TNS1: variants seen among roughly 807,000 people sequenced by gnomAD.
TNS1 encodes the protein tensin 1.
TNS1 carries 62 observed loss-of-function variants against 168.6 expected under a neutral mutation model. That is an observed-to-expected ratio of 0.37 (90% CI 0.30 to 0.45). TNS1 has a LOEUF of 0.45. Ranked by LOEUF, TNS1 falls within the 20% of genes least tolerant of loss-of-function variation. The pLI, the probability that TNS1 is intolerant of heterozygous loss-of-function variation, is 1.00. For synonymous variants in TNS1, 934 were observed against 933.2 expected (o/e 1.00, Z -0.02); for missense variants, 2,240 against 2,339.4 (o/e 0.96, Z 0.88).
In TNS1 at chr2:217,802,301, G is replaced by A. The variant is rs1379507801; in HGVS notation, c.*2158C>T. Reference sequence around the variant, plus strand: ...GGTTTCACTCTGGGAAGCAGGGGGTGGCCAGTGGGGCCTCTGCCCCTGCTC... The same window carrying A: ...GGTTTCACTCTGGGAAGCAGGGGGTAGCCAGTGGGGCCTCTGCCCCTGCTC... On this transcript the variant is annotated 3_prime_UTR_variant, in exon 33 of 33. Transcript: ENST00000682258. 6.6e-6 allele frequency: 1 copy of A among 152,198 alleles called. No individual in the cohort carries two copies. Among genetic ancestry groups the A allele is most frequent in the Non-Finnish European group, 1.5e-5 (1 of 68,030 alleles). 9.4% of individuals were successfully genotyped at this position (152,198 alleles called of 1,614,324 possible).
At chr2:217,814,810 G>A (rs1248281511) in intron 25 of TNS1, 102 bp downstream of exon 25, 3 of 936,330 alleles carry the variant, frequency 3.2e-6, no homozygotes, top group African/African-American at 1.6e-5. Context: ...ATGACCCCCT[G>A]CTACAAAGAG....
At position 217,986,212 on chromosome 2, in the gene TNS1, A is replaced by C. The variant is rs760927498; in HGVS notation, c.148+4730T>G. On this transcript the variant is annotated intron_variant, in intron 2 of 32. Coordinates refer to ENST00000682258, the MANE Select transcript of TNS1 (RefSeq NM_001387777.1). This position sits in a 1 kb window ranked among gnomAD's most constrained non-coding sequence, Gnocchi z 4.7. ...TGGCTCCAAGGAGGCCCTCAGACAC[A>C]GGGCAGAAGCTAGGTTCCCCAGTGA... Among the ~76,000 whole-genome samples the C allele has an allele frequency of 6.6e-6, 1 of 152,198 alleles. No individual in the cohort carries two copies. Among genetic ancestry groups the C allele is most frequent in the Non-Finnish European group, 1.5e-5 (1 of 68,016 alleles).
chr2:218,020,185 G>T (rs964532634), intron 1 of TNS1, among the ~76,000 whole-genome samples: 3 of 152,182 alleles, frequency 2.0e-5, no homozygotes, highest in African/African-American at 7.2e-5. Context: ...TCAGCATTGT[G>T]CAGGACCCAG....
intron 1 of TNS1, among the ~76,000 whole-genome samples, chr2:217,999,016 G>T (rs77349327): frequency 6.6e-6 from 1 of 152,170 alleles, no homozygotes; most frequent in South Asian, 2.1e-4. Context: ...TGCGTGGGGG[G>T]TGTGGTTAGA....
intron 19 of TNS1, among the ~76,000 whole-genome samples, chr2:217,838,717 G>A (rs779047595): frequency 1.5e-4 from 23 of 152,224 alleles, no homozygotes; most frequent in Non-Finnish European, 3.2e-4. Context: ...TCCGCCTGGA[G>A]TGCCTGGAGA....
intron 3 of TNS1, among the ~76,000 whole-genome samples, chr2:217,937,877 G>A (rs561853545): frequency 4.6e-5 from 7 of 152,124 alleles, no homozygotes; most frequent in East Asian, 1.9e-4. Context: ...CCCTCTTTCC[G>A]CTTCCCCTGA....
intron 3 of TNS1, among the ~76,000 whole-genome samples, chr2:217,972,201 CAGAG>C (rs952042686): frequency 6.6e-6 from 1 of 152,172 alleles, no homozygotes; most frequent in African/African-American, 2.4e-5. Flanking sequence ...AGCTGGGGCT[CAGAG>C]AGGTTCAGTA....
chr2:217,886,698 T>C (rs1951237336), intron 12 of TNS1, 52 bp from the exon 13 acceptor site: 1 of 1,330,048 alleles, frequency 7.5e-7, no homozygotes, highest in South Asian at 1.3e-5. Context: ...ACTGGTGCAG[T>C]AATCCCTGTT....
chr2:217,807,460 G>A (rs1939368234), intron 32 of TNS1, among the ~76,000 whole-genome samples: 1 of 152,192 alleles, frequency 6.6e-6, no homozygotes, highest in African/African-American at 2.4e-5. Context: ...AATACAGTTT[G>A]AAAATCACAG....
At position 217,995,557 on chromosome 2, in the gene TNS1, G is replaced by A. The variant is rs1041961199; in HGVS notation, c.34-4501C>T. Among the ~76,000 whole-genome samples, 24 of 152,192 alleles carry A rather than the reference G, an allele frequency of 1.6e-4. No homozygotes were observed. Among genetic ancestry groups the A allele is most frequent in the Non-Finnish European group, 7.3e-5 (5 of 68,040 alleles). Reference sequence around the variant, plus strand: ...TGTTCTGCAGGTACAGGCAGAGGATGTAAACAAGCCCCAAAAAGTGCAAAG... The same window carrying A: ...TGTTCTGCAGGTACAGGCAGAGGATATAAACAAGCCCCAAAAAGTGCAAAG... On this transcript the variant is annotated intron_variant, in intron 1 of 32. Transcript: ENST00000682258. This position sits in a 1 kb window ranked among gnomAD's most constrained non-coding sequence, Gnocchi z 4.1.
intron 19 of TNS1, among the ~76,000 whole-genome samples, chr2:217,847,062 G>T (rs1946748259): frequency 3.9e-5 from 6 of 152,210 alleles, no homozygotes; most frequent in Admixed American, 3.9e-4. Flanking sequence ...TCTGAGGACA[G>T]ACAGCACGAC....
chr2:217,894,675 AC>A (rs1952088993), intron 9 of TNS1, among the ~76,000 whole-genome samples: 1 of 151,972 alleles, frequency 6.6e-6, no homozygotes, highest in Non-Finnish European at 1.5e-5. Flanking sequence ...AAACAAACAA[AC>A]AAAAAAACCG....
intron 1 of TNS1, among the ~76,000 whole-genome samples, chr2:217,997,137 C>A (rs1958484849): frequency 6.6e-6 from 1 of 152,134 alleles, no homozygotes; most frequent in Non-Finnish European, 1.5e-5. Context: ...TTCCCAGATA[C>A]CCCTGGACCC....
chr2:217,818,381 G>A lies in TNS1; in HGVS notation c.3951C>T (p.Ser1317=). The A allele has an allele frequency of 6.2e-7, 1 of 1,614,172 alleles. No homozygotes were observed. The highest frequency in any genetic ancestry group is 2.2e-5 in the East Asian group (1 of 44,888). Residue 1317 remains serine, a synonymous_variant, in exon 24 of 33, where the codon AGC becomes AGT. Transcript: ENST00000682258. ...SMAAPSSPSL[S]HHQMMGPPGT... ...CTGGTGGACCCATCATCTGGTGATG[G>A]CTCAAACTGGGACTGCTGGGGGCAG...
intron 3 of TNS1, among the ~76,000 whole-genome samples, chr2:217,922,555 C>A (rs77737399): frequency 0.011 from 1,737 of 152,296 alleles, 35 homozygotes; most frequent in African/African-American, 0.04. Flanking sequence ...TTTCTGCTCT[C>A]CATTTAGAAG....
rs118131689 is a variant in TNS1, at chr2:217,962,157, A to G, written c.186+16608T>C. ...AAATGAGTAGATAAGAGAAGTCAAG[A>G]ACCAGGCTGGGTGAGGTGACTCACG... On this transcript the variant is annotated intron_variant, in intron 3 of 32. Transcript: ENST00000682258. 2.1e-4 allele frequency among the ~76,000 whole-genome samples: 32 copies of G among 152,336 alleles called. No homozygotes were observed. In the East Asian group the frequency reaches 3.5e-3, roughly 17 times the overall value.
intron 1 of TNS1, among the ~76,000 whole-genome samples, chr2:218,027,383 T>G (rs1287248447): frequency 6.6e-6 from 1 of 152,092 alleles, no homozygotes; most frequent in Non-Finnish European, 1.5e-5. Flanking sequence ...GACCCTACTC[T>G]GCACCCACAC....
At chr2:217,935,066 C>T (rs1424005190) in intron 3 of TNS1, among the ~76,000 whole-genome samples, 1 of 152,260 alleles carries the variant, frequency 6.6e-6, no homozygotes, top group Admixed American at 6.5e-5. Flanking sequence ...CCTTCCGCGG[C>T]ACTACACAGA....
At chr2:217,964,382 A>C (rs1338379891) in intron 3 of TNS1, among the ~76,000 whole-genome samples, 1 of 151,832 alleles carries the variant, frequency 6.6e-6, no homozygotes, top group Non-Finnish European at 1.5e-5. Flanking sequence ...TGAAGAAGAA[A>C]AGTCAGACTT....
Sources: allele counts gnomAD v4.1 joint callset (sites outside exome capture counted in the v4.1 genomes callset), GRCh38; gene constraint gnomAD v4.1.1; non-coding constraint Gnocchi (gnomAD v3.1); transcripts MANE v1.5; gene names NCBI Gene and HGNC (gene_info 2026-07-23, HGNC 2026-07-21).